POLD1: variants seen among roughly 807,000 people sequenced by gnomAD.
POLD1 encodes DNA polymerase delta 1, catalytic subunit.
In POLD1, 79 loss-of-function variants were observed where a neutral mutation model predicts 129.7. The ratio of observed to expected loss-of-function variants is 0.61; its 90% CI spans 0.51 to 0.73. The LOEUF is 0.73. POLD1 is among the 30% of genes least tolerant of loss of function. POLD1 has a pLI of 0.00. For missense variants in POLD1, 1,338 were observed against 1,595.8 expected (o/e 0.84, Z 2.75); for synonymous variants, 714 against 683.3 (o/e 1.04, Z -0.70).
intron 17 of POLD1, among the ~76,000 whole-genome samples, chr19:50,412,545 A>G (rs923244490): frequency 6.6e-6 from 1 of 152,190 alleles, no homozygotes; most frequent in Non-Finnish European, 1.5e-5. Flanking sequence ...GAACAAGTAA[A>G]AGCTAGACAG....
intron 10 of POLD1, among the ~76,000 whole-genome samples, chr19:50,405,364 G>A (rs1019942486): frequency 4.6e-5 from 7 of 152,206 alleles, no homozygotes; most frequent in African/African-American, 1.7e-4. Flanking sequence ...GGGAGAACAT[G>A]GTTCAGCCCT....
In POLD1 at chr19:50,409,348, CGTGA is replaced by C. The variant is rs2039011912; in HGVS notation, c.2006+114_2006+117del. The C allele has an allele frequency of 8.2e-7, 1 of 1,213,976 alleles. No individual in the cohort carries two copies. The highest frequency in any genetic ancestry group is 1.2e-6 in the Non-Finnish European group (1 of 840,020). 75.2% of individuals were successfully genotyped at this position (1,213,976 alleles called of 1,614,324 possible). ...CCCAGCCACCCTGCCCTCAGCTGTG[CGTGA>C]ATTAGCACAAGGCATCCCCTCCTGG... On this transcript the variant is annotated intron_variant, in intron 16 of 26. Transcript: ENST00000440232. This position sits in a 1 kb window ranked among gnomAD's most constrained non-coding sequence, Gnocchi z 5.8.
intron 10 of POLD1, among the ~76,000 whole-genome samples, chr19:50,405,918 A>T (rs1050235138): frequency 1.3e-5 from 2 of 151,936 alleles, no homozygotes; most frequent in Non-Finnish European, 2.9e-5. Context: ...GCCCGCAGAC[A>T]CTGGGCTCCA....
At position 50,413,536 on chromosome 19, in the gene POLD1, ACCGCT is replaced by A; in HGVS notation, c.2250+16_2250+20del. 1 of 1,593,990 alleles carries A rather than the reference ACCGCT, an allele frequency of 6.3e-7. No individual in the cohort carries two copies. The highest frequency in any genetic ancestry group is 8.6e-7 in the Non-Finnish European group (1 of 1,167,392). ...CCAGTGCCAAGGTCGGGGGCTGCCCACCGCTGCCCTGAGATGGGCCCAGGGCAGGT... is the reference window on the plus strand; with the variant it reads ...CCAGTGCCAAGGTCGGGGGCTGCCCAGCCCTGAGATGGGCCCAGGGCAGGT... On this transcript the variant is annotated intron_variant, in intron 18 of 26. Coordinates refer to ENST00000440232, the MANE Select transcript of POLD1 (RefSeq NM_002691.4).
At position 50,406,842 on chromosome 19, in the gene POLD1, C is replaced by A; in HGVS notation, c.1495-141C>A. 1.4e-6 allele frequency: 1 copy of A among 692,622 alleles called. No homozygotes were observed. The highest frequency in any genetic ancestry group is 2.6e-5 in the East Asian group (1 of 38,398). 42.9% of individuals were successfully genotyped at this position (692,622 alleles called of 1,614,324 possible). A position where few individuals can be genotyped will look rare whatever the true frequency, so the allele number is the denominator to read the frequency against. The stretch of plus-strand genomic sequence containing the variant: ...CCCTACCTCCATCCCCACCCAGACC[C>A]TGACGACTTGGAGGGCCCTCCTGCC... On this transcript the variant is annotated intron_variant, in intron 12 of 26. Transcript: ENST00000440232. The surrounding 1 kb of genome is among the most constrained non-coding windows in gnomAD (Gnocchi z 5.5).
chr19:50,399,408 T>A lies in POLD1; in HGVS notation c.240T>A (p.Leu80=). The A allele has an allele frequency of 6.2e-7, 1 of 1,614,170 alleles. No individual in the cohort carries two copies. The highest frequency in any genetic ancestry group is 8.5e-7 in the Non-Finnish European group (1 of 1,180,006). ...CATCAGCCATAGATCCTCGCTGGCT[T>A]CGGCCCACACCACCAGCGCTGGACC... ...VPPSAIDPRW[L]RPTPPALDPQ... is the part of the protein sequence containing the mutation. The change falls in exon 3 of 27, where the codon CTT becomes CTA. Residue 80 remains leucine (L), a synonymous_variant. Coordinates refer to ENST00000440232, the MANE Select transcript of POLD1 (RefSeq NM_002691.4).
At chr19:50,413,989 A>G in intron 19 of POLD1, 110 bp downstream of exon 19, 1 of 1,177,398 alleles carries the variant, frequency 8.5e-7, no homozygotes, top group Non-Finnish European at 1.2e-6. Context: ...GTTGCTGCTT[A>G]GATTCTCCTG....
rs994565161 is a variant in POLD1 at position 50,416,494 on chromosome 19, C to A, written c.2919C>A (p.Ile973=). ...CCCTCCTGCGCATCTTCGAGCCCATCCTGGGCGAGGGCCGTGCCGAGGCTG... is the reference window on the plus strand; with the variant it reads ...CCCTCCTGCGCATCTTCGAGCCCATACTGGGCGAGGGCCGTGCCGAGGCTG... The part of the protein sequence containing the change: ...AKPLLRIFEP[I]LGEGRAEAVL... The change falls in exon 23 of 27, where the codon ATC becomes ATA. Residue 973 remains isoleucine (I), a synonymous_variant. Transcript: ENST00000440232. The A allele has an allele frequency of 6.4e-7, 1 of 1,552,392 alleles. No homozygotes were observed. Among genetic ancestry groups the A allele is most frequent in the South Asian group, 1.2e-5 (1 of 84,302 alleles).
At chr19:50,396,212 G>A (rs3219349) in intron 1 of POLD1, among the ~76,000 whole-genome samples, 4,656 of 150,358 alleles carry the variant, frequency 0.031, 242 homozygotes, top group African/African-American at 0.11. Context: ...TCGGCCTCCC[G>A]AGTAGCCATA....
rs200716826 is a variant in POLD1, at chr19:50,402,578, C to T, written c.841-34C>T. The T allele has an allele frequency of 3.9e-5, 62 of 1,571,784 alleles. 1 individual carries two copies. The African/African-American group carries it at 7.4e-4, about 19-fold the overall frequency. On this transcript the variant is annotated intron_variant, in intron 7 of 26. Coordinates refer to ENST00000440232, the MANE Select transcript of POLD1 (RefSeq NM_002691.4). ...GCAGGGCTGGGTGGGGAGCTGGTACCCTGCTGCCACCGCTGACCCACCCAT... is the reference window on the plus strand; with the variant it reads ...GCAGGGCTGGGTGGGGAGCTGGTACTCTGCTGCCACCGCTGACCCACCCAT...
intron 3 of POLD1, among the ~76,000 whole-genome samples, chr19:50,400,845 C>A (rs539632732): frequency 9.9e-5 from 15 of 151,500 alleles, no homozygotes; most frequent in Non-Finnish European, 1.9e-4. Context: ...TACAGGCACC[C>A]GCCCCAACTC....
intron 14 of POLD1, 186 bp from the exon 15 acceptor site, chr19:50,408,599 T>C: frequency 1.1e-6 from 1 of 885,924 alleles, no homozygotes; most frequent in Non-Finnish European, 1.7e-6. Flanking sequence ...CCCAGGCTGA[T>C]CTGAAACTCC....
rs373782822 is a variant in POLD1 at position 50,407,658 on chromosome 19, A to G, written c.1775+243A>G. Among the ~76,000 whole-genome samples the G allele has an allele frequency of 1.2e-4, 18 of 149,104 alleles. No homozygotes were observed. In the East Asian group the frequency reaches 1.2e-3, roughly 10 times the overall value. ...ACTGCAAGCTTTGCCTCCCGGGTTC[A>G]CGCCATTCTCCTACCTCAGTCTCCA... is the stretch of plus-strand genomic sequence containing the variant. On this transcript the variant is annotated intron_variant, in intron 14 of 26. Transcript: ENST00000440232.
chr19:50,392,956 T>C (rs75260592), intron 1 of POLD1, among the ~76,000 whole-genome samples: 4 of 152,262 alleles, frequency 2.6e-5, no homozygotes, highest in Admixed American at 2.0e-4. Flanking sequence ...CACAGTTGCA[T>C]AGTATTCCAT....
intron 14 of POLD1, among the ~76,000 whole-genome samples, chr19:50,407,725 ATTTTTTT>A (rs571759517): frequency 2.1e-5 from 2 of 95,336 alleles, no homozygotes; most frequent in South Asian, 3.4e-4. Context: ...CGCCTGGCTA[ATTTTTTT>A]TTTTTTTTTT....
intron 1 of POLD1, among the ~76,000 whole-genome samples, chr19:50,393,630 C>T (rs536122882): frequency 1.3e-5 from 2 of 152,308 alleles, no homozygotes; most frequent in African/African-American, 4.8e-5. Context: ...CATGCCACTG[C>T]ACTCTAGCCT....
At chr19:50,415,291 C>A in intron 20 of POLD1, 147 bp from the exon 21 acceptor site, 1 of 795,116 alleles carries the variant, frequency 1.3e-6, no homozygotes, top group South Asian at 1.8e-5. Flanking sequence ...GCCTCTGCCA[C>A]TCTGCAGCCT....
chr19:50,399,368 C>T lies in POLD1; in HGVS notation c.203-3C>T, dbSNP rs2038495945. The T allele has an allele frequency of 6.2e-7, 1 of 1,610,250 alleles. No individual in the cohort carries two copies. Among genetic ancestry groups the T allele is most frequent in the Non-Finnish European group, 8.5e-7 (1 of 1,176,528 alleles). ...ACTCCACTTCCTTCCCTTCCCCCAC[C>T]AGGGCAGGTCCCACCATCAGCCATA... On this transcript the variant is annotated splice_polypyrimidine_tract_variant and splice_region_variant and intron_variant, in intron 2 of 26. Transcript: ENST00000440232.
At chr19:50,411,458 C>G (rs1229300736) in intron 17 of POLD1, among the ~76,000 whole-genome samples, 1 of 152,052 alleles carries the variant, frequency 6.6e-6, no homozygotes, top group African/African-American at 2.4e-5. Flanking sequence ...TCAGCCGCTT[C>G]CCTCTGTCAC....
Sources: allele counts gnomAD v4.1 joint callset (sites outside exome capture counted in the v4.1 genomes callset), GRCh38; gene constraint gnomAD v4.1.1; non-coding constraint Gnocchi (gnomAD v3.1); transcripts MANE v1.5; gene names NCBI Gene and HGNC (gene_info 2026-07-23, HGNC 2026-07-21).